PPIL4: variants seen among roughly 807,000 people sequenced by gnomAD.
The protein encoded by PPIL4 is peptidyl-prolyl cis-trans isomerase-like 4.
In PPIL4, 50 loss-of-function variants were observed where a neutral mutation model predicts 69.1. The observed-to-expected ratio is 0.72, with a 90% CI of 0.58 to 0.92. The LOEUF (loss-of-function observed/expected upper bound fraction) is 0.92. Among genes scored for constraint, PPIL4 ranks in the 40% least tolerant of loss-of-function variants. The pLI is 0.00. For missense variants in PPIL4, 480 were observed against 587.9 expected (o/e 0.82, Z 1.90); for synonymous variants, 193 against 191.6 (o/e 1.01, Z -0.06).
chr6:149,540,528 T>C (rs963360669), intron 4 of PPIL4, among the ~76,000 whole-genome samples: 3 of 152,162 alleles, frequency 2.0e-5, no homozygotes, highest in East Asian at 1.9e-4. Context: ...GGCAGGAGAA[T>C]TGCTTGAACC....
intron 7 of PPIL4, among the ~76,000 whole-genome samples, chr6:149,533,239 C>T (rs923918591): frequency 6.6e-6 from 1 of 152,182 alleles, no homozygotes; most frequent in Non-Finnish European, 1.5e-5. Flanking sequence ...AGATCCACTT[C>T]CCACTGTTTA....
intron 5 of PPIL4, 45 bp from the exon 6 acceptor site, chr6:149,534,819 T>C: frequency 8.8e-7 from 1 of 1,137,376 alleles, no homozygotes; most frequent in Non-Finnish European, 1.3e-6. Context: ...TGAAGTTATT[T>C]CAGAATCCTA....
intron 12 of PPIL4, among the ~76,000 whole-genome samples, chr6:149,508,849 G>T (rs866356567): frequency 1.3e-5 from 2 of 152,128 alleles, no homozygotes; most frequent in South Asian, 4.1e-4. Flanking sequence ...AAAAAACAAA[G>T]AATTTGAAGA....
At position 149,517,416 on chromosome 6, in the gene PPIL4, A is replaced by G; in HGVS notation, c.1017T>C (p.Tyr339=). The change falls in exon 11 of 13, where the codon TAT becomes TAC. Residue 339 remains tyrosine, a synonymous_variant. Coordinates refer to ENST00000253329, the MANE Select transcript of PPIL4 (RefSeq NM_139126.4). ...GKYTKSDFKE[Y]EKEQDKPPNL... ...TAGGTGGTTTATCCTGTTCTTTTTCATACTCCTTGAAATCACTCTTGGTGT... is the reference window on the plus strand; with the variant it reads ...TAGGTGGTTTATCCTGTTCTTTTTCGTACTCCTTGAAATCACTCTTGGTGT... The G allele has an allele frequency of 1.9e-6, 3 of 1,606,132 alleles. No individual in the cohort carries two copies. Among genetic ancestry groups the G allele is most frequent in the South Asian group, 1.1e-5 (1 of 90,670 alleles).
chr6:149,532,382 T>C (rs922834707), intron 7 of PPIL4, among the ~76,000 whole-genome samples: 1 of 152,210 alleles, frequency 6.6e-6, no homozygotes, highest in Non-Finnish European at 1.5e-5. Context: ...CTAAATTCAT[T>C]CCCTTATAAG....
At chr6:149,513,276 T>C (rs1275934377) in intron 11 of PPIL4, among the ~76,000 whole-genome samples, 1 of 143,944 alleles carries the variant, frequency 6.9e-6, no homozygotes, top group Non-Finnish European at 1.5e-5. Context: ...CCCCAGCTAC[T>C]CGGGAGGCTG....
At chr6:149,523,707 A>G (rs1012881931) in intron 9 of PPIL4, among the ~76,000 whole-genome samples, 4 of 152,114 alleles carry the variant, frequency 2.6e-5, no homozygotes, top group African/African-American at 9.7e-5. Flanking sequence ...ATAAAAAGAA[A>G]AAAAAAAAAG....
chr6:149,544,822 G>A (rs1777414691), intron 1 of PPIL4, among the ~76,000 whole-genome samples: 1 of 152,168 alleles, frequency 6.6e-6, no homozygotes, highest in Admixed American at 6.5e-5. Context: ...CTGCGTGCGA[G>A]GGAAAGCGGA....
intron 10 of PPIL4, among the ~76,000 whole-genome samples, chr6:149,519,186 T>TA (rs1583206063): frequency 6.6e-6 from 1 of 152,040 alleles, no homozygotes; most frequent in East Asian, 1.9e-4. Context: ...ATTGAGAGGG[T>TA]AAAAAACAAA....
At position 149,521,178 on chromosome 6, in the gene PPIL4, A is replaced by G. The variant is rs755872050; in HGVS notation, c.871-7T>C. On this transcript the variant is annotated splice_region_variant and splice_polypyrimidine_tract_variant and intron_variant, in intron 9 of 12. Transcript: ENST00000253329. ...CTTTCTCACAATCTTCTTCCTGATA[A>G]TAATTATAAAAACTCAAGCATAAAT... The G allele has an allele frequency of 3.5e-6, 5 of 1,444,676 alleles. No homozygotes were observed. In the South Asian group the frequency reaches 3.6e-5, roughly 10 times the overall value. 89.5% of individuals were successfully genotyped at this position (1,444,676 alleles called of 1,614,324 possible).
chr6:149,512,947 T>A (rs1013468972), intron 11 of PPIL4, among the ~76,000 whole-genome samples: 2 of 151,730 alleles, frequency 1.3e-5, no homozygotes, highest in African/African-American at 4.8e-5. Flanking sequence ...CTTCCCCATG[T>A]TGGCCAGGCT....
At chr6:149,524,640 C>T (rs753716255) in intron 9 of PPIL4, among the ~76,000 whole-genome samples, 3 of 152,136 alleles carry the variant, frequency 2.0e-5, no homozygotes, top group Non-Finnish European at 4.4e-5. Context: ...TGGCTTATGC[C>T]TATAATCCCA....
At chr6:149,539,827 G>C (rs1777333547) in intron 4 of PPIL4, among the ~76,000 whole-genome samples, 2 of 152,140 alleles carry the variant, frequency 1.3e-5, no homozygotes, top group Non-Finnish European at 2.9e-5. Context: ...AGAAGCACTT[G>C]TTAGTAATAA....
At chr6:149,527,650 CTCA>C (rs1777127491) in intron 7 of PPIL4, among the ~76,000 whole-genome samples, 2 of 152,208 alleles carry the variant, frequency 1.3e-5, no homozygotes, top group African/African-American at 4.8e-5. Context: ...CCTGTGCCTC[CTCA>C]TCAGAGACAA....
intron 10 of PPIL4, among the ~76,000 whole-genome samples, chr6:149,520,033 G>A (rs1777005925): frequency 6.6e-6 from 1 of 152,124 alleles, no homozygotes; most frequent in African/African-American, 2.4e-5. Flanking sequence ...TATGTACAAA[G>A]GTGGAACATA....
chr6:149,515,097 C>T (rs1776921929), intron 11 of PPIL4, among the ~76,000 whole-genome samples: 1 of 151,938 alleles, frequency 6.6e-6, no homozygotes. Context: ...CTCGGCCTCC[C>T]AGAGTGCTGG....
At chr6:149,539,339 T>C (rs188893877) in intron 4 of PPIL4, among the ~76,000 whole-genome samples, 1 of 152,314 alleles carries the variant, frequency 6.6e-6, no homozygotes, top group Admixed American at 6.5e-5. Flanking sequence ...CAGAAATCTT[T>C]CATGAAAGGA....
Position 149,535,685 on chromosome 6 carries a change from C to G in PPIL4, c.375G>C (p.Val125=), listed in dbSNP as rs1431073530. 1 of 1,611,308 alleles carries G rather than the reference C, an allele frequency of 6.2e-7. No homozygotes were observed. The highest frequency in any genetic ancestry group is 1.3e-5 in the African/African-American group (1 of 74,864). Residue 125 remains valine, a synonymous_variant, in exon 5 of 13, where the codon GTG becomes GTC. Coordinates refer to ENST00000253329, the MANE Select transcript of PPIL4 (RefSeq NM_139126.4). ...NLDYLDGVHT[V]FGEVTEGMDI... The stretch of plus-strand genomic sequence containing the variant: ...CCATGCCTTCTGTCACCTCACCAAA[C>G]ACCGTATGGACACCATCAAGATAAT...
At chr6:149,505,736 C>T (rs1562254766) in intron 12 of PPIL4, 32 bp from the exon 13 acceptor site, 4 of 1,586,678 alleles carry the variant, frequency 2.5e-6, no homozygotes, top group Non-Finnish European at 3.4e-6. Flanking sequence ...ACAAGTGAAT[C>T]AGTAAAATAA....
Sources: gnomAD v4.1 joint callset for allele counts (sites outside exome capture counted in the v4.1 genomes callset) on GRCh38, gnomAD v4.1.1 for gene constraint, MANE v1.5 for transcripts, NCBI Gene and HGNC (gene_info 2026-07-23, HGNC 2026-07-21) for gene names.